FUT8: variants seen among roughly 807,000 people sequenced by gnomAD.
FUT8 encodes fucosyltransferase 8, also known as alpha-(1,6)-fucosyltransferase.
A neutral mutation model predicts 71.3 loss-of-function variants in FUT8; 29 were observed. The ratio of observed to expected loss-of-function variants is 0.41; its 90% confidence interval spans 0.30 to 0.55. FUT8 has a LOEUF of 0.55. Among genes scored for constraint, FUT8 ranks in the 20% least tolerant of loss-of-function variants. FUT8 has a pLI of 0.34. For missense variants in FUT8, 544 were observed against 702.1 expected (o/e 0.77, Z 2.55); for synonymous variants, 254 against 239.3 (o/e 1.06, Z -0.57).
At chr14:65,582,713 AAGTG>A (rs1422924175) in intron 3 of FUT8, among the ~76,000 whole-genome samples, 2 of 152,206 alleles carry the variant, frequency 1.3e-5, no homozygotes, top group African/African-American at 4.8e-5. Context: ...GCTGAATCTT[AAGTG>A]AGTATTTTGA....
intron 2 of FUT8, among the ~76,000 whole-genome samples, chr14:65,525,531 T>C (rs566317894): frequency 1.4e-4 from 22 of 152,282 alleles, no homozygotes; most frequent in African/African-American, 4.8e-4. Context: ...GATTCATTGA[T>C]TTTTTGAAGG....
In FUT8 at chr14:65,633,772, C is replaced by T. The variant is rs565115117; in HGVS notation, c.597+4166C>T. Among the ~76,000 whole-genome samples the T allele has an allele frequency of 1.3e-4, 20 of 149,122 alleles. No individual in the cohort carries two copies. In the East Asian group the frequency reaches 3.6e-3, roughly 27 times the overall value. ...CCGCCCCGTCTGAGAAGTGAGGAGC[C>T]CCTCCGCCCGGCAGCCACCCCGTCT... On this transcript the variant is annotated intron_variant, in intron 6 of 10. Transcript: ENST00000673929.
chr14:65,719,152 A>G (rs1895276744), intron 7 of FUT8, among the ~76,000 whole-genome samples: 2 of 151,936 alleles, frequency 1.3e-5, no homozygotes, highest in African/African-American at 4.8e-5. Context: ...ATTGTTTTTC[A>G]TTCTTTTTTC....
chr14:65,444,631 C>A (rs1043259436), intron 1 of FUT8, among the ~76,000 whole-genome samples: 1 of 152,090 alleles, frequency 6.6e-6, no homozygotes, highest in Non-Finnish European at 1.5e-5. Flanking sequence ...ACTGTTGATA[C>A]GTGTGTTGTA....
chr14:65,361,875 T>G, the FUT8 span, among the ~76,000 whole-genome samples: 2 of 152,276 alleles, frequency 1.3e-5, no homozygotes, highest in South Asian at 4.2e-4. Context: ...AGAATCCACT[T>G]TTAGTGGCCT....
intron 2 of FUT8, among the ~76,000 whole-genome samples, chr14:65,553,398 GTGATACAT>G (rs1166654040): frequency 6.6e-6 from 1 of 151,940 alleles, no homozygotes; most frequent in African/African-American, 2.4e-5. Context: ...TATAAACCCA[GTGATACAT>G]TATTGCCATT....
At chr14:65,390,484 T>A in the FUT8 span, among the ~76,000 whole-genome samples, 1 of 151,968 alleles carries the variant, frequency 6.6e-6, no homozygotes. Flanking sequence ...GAATTTTTTA[T>A]CATGTGCATG....
At chr14:65,723,126 G>A (rs1895503990) in intron 8 of FUT8, among the ~76,000 whole-genome samples, 1 of 149,980 alleles carries the variant, frequency 6.7e-6, no homozygotes, top group Non-Finnish European at 1.5e-5. Context: ...ACTCAACATA[G>A]GCAACATGGT....
chr14:65,633,960 C>T (rs141731162), intron 6 of FUT8, among the ~76,000 whole-genome samples: 9,623 of 150,338 alleles, frequency 0.064, 574 homozygotes, highest in African/African-American at 0.15. Flanking sequence ...AGCCCCTGCC[C>T]GGCTAGCCGC....
intron 10 of FUT8, among the ~76,000 whole-genome samples, chr14:65,737,174 T>C (rs565431634): frequency 2.6e-5 from 4 of 152,254 alleles, no homozygotes; most frequent in Admixed American, 6.5e-5. Context: ...AAGTGAGGTC[T>C]GGGAATTCTC....
the FUT8 span, among the ~76,000 whole-genome samples, chr14:65,373,857 T>A: frequency 6.6e-6 from 1 of 152,228 alleles, no homozygotes; most frequent in Non-Finnish European, 1.5e-5. Flanking sequence ...CATCCGTCCG[T>A]CTTTCTTCCA....
At chr14:65,677,320 C>T (rs915943065) in intron 7 of FUT8, among the ~76,000 whole-genome samples, 5 of 152,010 alleles carry the variant, frequency 3.3e-5, no homozygotes, top group African/African-American at 1.2e-4. Context: ...TTTTGTTTTG[C>T]TTCCCCAAAT....
chr14:65,493,588 T>G (rs2066515978), intron 2 of FUT8, among the ~76,000 whole-genome samples: 1 of 152,120 alleles, frequency 6.6e-6, no homozygotes, highest in Non-Finnish European at 1.5e-5. Flanking sequence ...ATTGATGTTT[T>G]AATATTAAAT....
At chr14:65,622,638 G>T (rs185777332) in intron 5 of FUT8, among the ~76,000 whole-genome samples, 3 of 152,256 alleles carry the variant, frequency 2.0e-5, no homozygotes, top group Admixed American at 2.0e-4. Context: ...GTTCCTCCTT[G>T]AGATAAGGGA....
At chr14:65,508,941 G>C (rs1401019813) in intron 2 of FUT8, among the ~76,000 whole-genome samples, 1 of 152,094 alleles carries the variant, frequency 6.6e-6, no homozygotes, top group Non-Finnish European at 1.5e-5. Flanking sequence ...GATCCCGTTT[G>C]TCCAGTTTTG....
chr14:65,521,636 C>G (rs535443798), intron 2 of FUT8, among the ~76,000 whole-genome samples: 48 of 152,296 alleles, frequency 3.2e-4, no homozygotes, highest in Non-Finnish European at 5.9e-4. Context: ...AGTGCAGGCT[C>G]TGCATATTTA....
chr14:65,678,256 T>A (rs962292013), intron 7 of FUT8, among the ~76,000 whole-genome samples: 2 of 152,222 alleles, frequency 1.3e-5, no homozygotes, highest in Non-Finnish European at 2.9e-5. Flanking sequence ...AGCTACTTGA[T>A]GGCTTTTTGT....
chr14:65,625,700 C>CTGTTGT (rs1401565232), intron 5 of FUT8, among the ~76,000 whole-genome samples: 2 of 152,198 alleles, frequency 1.3e-5, no homozygotes, highest in African/African-American at 4.8e-5. Context: ...ACAAATGGAA[C>CTGTTGT]TGTTGTTCCA....
chr14:65,388,630 T>C, the FUT8 span, among the ~76,000 whole-genome samples: 20,411 of 152,004 alleles, frequency 0.13, 2,025 homozygotes, highest in East Asian at 0.54. Context: ...GGCGTGATGG[T>C]GTGCACCTGT....
Sources: gnomAD v4.1 joint callset for allele counts (sites outside exome capture counted in the v4.1 genomes callset) on GRCh38, gnomAD v4.1.1 for gene constraint, MANE v1.5 for transcripts, NCBI Gene and HGNC (gene_info 2026-07-23, HGNC 2026-07-21) for gene names.